The following RFX2 variants were observed in gnomAD, a reference collection of about 807,000 sequenced individuals.
RFX2 encodes regulatory factor X2.
RFX2 carries 20 observed loss-of-function variants against 87.8 expected under a neutral mutation model. The observed-to-expected ratio is 0.23, with a 90% confidence interval of 0.16 to 0.33. The LOEUF is 0.33. RFX2 is among the 10% of genes least tolerant of loss of function. The probability of loss-of-function intolerance (pLI) is 1.00; values close to 1 mark genes in which losing one functional copy is unlikely to be tolerated. For synonymous variants in RFX2, 397 were observed against 431.3 expected, an observed-to-expected ratio of 0.92 and a Z score of 0.98; for missense variants, 767 against 1,012.3, an observed-to-expected ratio of 0.76 and a Z score of 3.29.
chr19:6,043,859 A>G (rs538859356), intron 3 of RFX2, among the ~76,000 whole-genome samples: 4 of 152,224 alleles, frequency 2.6e-5, no homozygotes, highest in Non-Finnish European at 2.9e-5. Context: ...ACTCACTAGC[A>G]GATGGTTCCT....
Position 6,001,228 on chromosome 19 carries a change from A to G in RFX2, c.1859+587T>C, listed in dbSNP as rs899943574. Among the ~76,000 whole-genome samples, 3 of 152,140 alleles carry G rather than the reference A, an allele frequency of 2.0e-5. No homozygotes were observed. The highest frequency in any genetic ancestry group is 4.4e-5 in the Non-Finnish European group (3 of 68,030). ...CTCAAACTTGGTGTTTCGATATTTCACCAGGAGCCTCCTTGTGCCCTTCAG... is the reference window on the plus strand; with the variant it reads ...CTCAAACTTGGTGTTTCGATATTTCGCCAGGAGCCTCCTTGTGCCCTTCAG... On this transcript the variant is annotated intron_variant, in intron 15 of 17. Transcript: ENST00000303657. This position sits in a 1 kb window ranked among gnomAD's most constrained non-coding sequence, Gnocchi z 5.6.
chr19:6,070,832 C>T (rs1178705425), intron 1 of RFX2, among the ~76,000 whole-genome samples: 3 of 152,230 alleles, frequency 2.0e-5, no homozygotes, highest in Admixed American at 2.0e-4. Flanking sequence ...CTTAGCCTCC[C>T]ATGTAGCTAG....
At chr19:6,042,351 A>G (rs1275422473) in intron 3 of RFX2, among the ~76,000 whole-genome samples, 1 of 152,186 alleles carries the variant, frequency 6.6e-6, no homozygotes, top group African/African-American at 2.4e-5. Flanking sequence ...TGATCCCCAG[A>G]GCTCTGCTAG....
intron 1 of RFX2, among the ~76,000 whole-genome samples, chr19:6,075,983 G>A (rs753946082): frequency 6.6e-5 from 10 of 152,160 alleles, no homozygotes; most frequent in African/African-American, 1.9e-4. Flanking sequence ...AGGGAATATC[G>A]AGCTCTGAAA....
chr19:6,060,194 C>A lies in RFX2; in HGVS notation c.-8-12690G>T, dbSNP rs77294189. On this transcript the variant is annotated intron_variant, in intron 1 of 17. Transcript: ENST00000303657. The stretch of plus-strand genomic sequence containing the variant: ...CTCCTTCCCTGTGCTGACCTCCCCC[C>A]ACTATCTCACATCCAGACTGTCTAC... 4.6e-5 allele frequency among the ~76,000 whole-genome samples: 7 copies of A among 152,318 alleles called. No homozygotes were observed. The East Asian group carries it at 9.6e-4, about 21-fold the overall frequency.
At position 6,110,437 on chromosome 19, in the gene RFX2, G is replaced by T. The variant is rs1239874752; in HGVS notation, c.-53C>A. On this transcript the variant is annotated 5_prime_UTR_variant, in exon 1 of 18. Coordinates refer to ENST00000303657, the MANE Select transcript of RFX2 (RefSeq NM_000635.4). This position sits in a 1 kb window ranked among gnomAD's most constrained non-coding sequence, Gnocchi z 4.3. ...TTCGGGCAGCGGCTCCCGCGGCGGC[G>T]GCAGCGGCTGCTGCGTGTTGGTCCC... is the stretch of plus-strand genomic sequence containing the variant. The T allele has an allele frequency of 1.3e-5, 2 of 153,770 alleles. No individual in the cohort carries two copies. Among genetic ancestry groups the T allele is most frequent in the South Asian group, 1.8e-4 (1 of 5,568 alleles). The allele number at this position is 153,770 out of a possible 1,614,324, so 9.5% of individuals were successfully genotyped here.
intron 5 of RFX2, among the ~76,000 whole-genome samples, chr19:6,028,025 G>A (rs1466245305): frequency 6.6e-6 from 1 of 152,130 alleles, no homozygotes; most frequent in Non-Finnish European, 1.5e-5. Context: ...GCCTCCCAAA[G>A]TTCTGGGATT....
At position 6,045,927 on chromosome 19, in the gene RFX2, T is replaced by C. The variant is rs1400790607; in HGVS notation, c.90+1480A>G. ...GTCTCAAACTCCTGACCTCAGGTGA[T>C]CCACCCACCTTGGCCTCCCAAAGTG... On this transcript the variant is annotated intron_variant, in intron 2 of 17. Transcript: ENST00000303657. This position sits in a 1 kb window ranked among gnomAD's most constrained non-coding sequence, Gnocchi z 5.2. Among the ~76,000 whole-genome samples the C allele has an allele frequency of 6.6e-6, 1 of 152,162 alleles. No individual in the cohort carries two copies. Among genetic ancestry groups the C allele is most frequent in the African/African-American group, 2.4e-5 (1 of 41,434 alleles).
chr19:6,080,652 T>C, intron 1 of RFX2, among the ~76,000 whole-genome samples: 1 of 152,024 alleles, frequency 6.6e-6, no homozygotes, highest in East Asian at 1.9e-4. Flanking sequence ...TGGGAGGATG[T>C]GGGAGAGAGC....
At chr19:6,035,893 A>G in intron 5 of RFX2, among the ~76,000 whole-genome samples, 1 of 129,642 alleles carries the variant, frequency 7.7e-6, no homozygotes, top group East Asian at 2.0e-4. Context: ...GTGTGTGAAA[A>G]CATAGCCTAT....
chr19:6,055,020 T>A (rs1044525076), intron 1 of RFX2, among the ~76,000 whole-genome samples: 1 of 152,164 alleles, frequency 6.6e-6, no homozygotes, highest in Non-Finnish European at 1.5e-5. Flanking sequence ...ACTCCTACAA[T>A]TCAATATAAG....
intron 5 of RFX2, among the ~76,000 whole-genome samples, chr19:6,030,377 C>T (rs180804411): frequency 2.0e-5 from 3 of 152,262 alleles, no homozygotes; most frequent in Admixed American, 2.0e-4. Flanking sequence ...CGGAAAAACC[C>T]ACATGTCAAT....
At chr19:6,098,803 G>T (rs2088066899) in intron 1 of RFX2, among the ~76,000 whole-genome samples, 1 of 152,092 alleles carries the variant, frequency 6.6e-6, no homozygotes, top group Admixed American at 6.5e-5. Context: ...AAGAAAGGGA[G>T]CCAAGGTTAG....
chr19:6,061,455 T>C lies in RFX2; in HGVS notation c.-8-13951A>G, dbSNP rs78895549. Among the ~76,000 whole-genome samples, 693 of 152,300 alleles carry C rather than the reference T, an allele frequency of 4.6e-3. 8 individuals carry two copies. In the East Asian group the frequency reaches 0.071, roughly 16 times the overall value. On this transcript the variant is annotated intron_variant, in intron 1 of 17. Coordinates refer to ENST00000303657, the MANE Select transcript of RFX2 (RefSeq NM_000635.4). The surrounding 1 kb of genome is among the most constrained non-coding windows in gnomAD (Gnocchi z 5.2). ...ATCCCTTCTTTAGAGGGTTGGAGCC[T>C]ACCCTTCACACTTACAAGTCTGGCT...
chr19:6,101,960 A>C lies in RFX2; in HGVS notation c.-9+8433T>G, dbSNP rs2144907877. On this transcript the variant is annotated intron_variant, in intron 1 of 17. Coordinates refer to ENST00000303657, the MANE Select transcript of RFX2 (RefSeq NM_000635.4). This position sits in a 1 kb window ranked among gnomAD's most constrained non-coding sequence, Gnocchi z 4.9. Reference sequence around the variant, plus strand: ...CAATGGAATATTCTTTAGCCTTAAAAAGGAAGGAAATTCTGATGCATGCTA... The same window carrying C: ...CAATGGAATATTCTTTAGCCTTAAACAGGAAGGAAATTCTGATGCATGCTA... 6.6e-6 allele frequency among the ~76,000 whole-genome samples: 1 copy of C among 152,370 alleles called. No homozygotes were observed. The highest frequency in any genetic ancestry group is 2.1e-4 in the South Asian group (1 of 4,828).
At chr19:6,102,402 T>C (rs1190858595) in intron 1 of RFX2, among the ~76,000 whole-genome samples, 3 of 152,222 alleles carry the variant, frequency 2.0e-5, no homozygotes, top group Admixed American at 1.3e-4. Flanking sequence ...TGAATGAAGA[T>C]TGTATGAATG....
chr19:6,002,012 C>T lies in RFX2; in HGVS notation c.1662G>A (p.Ser554=), dbSNP rs912714866. The change falls in exon 15 of 18, where the codon TCG becomes TCA. Residue 554 remains serine (S), a synonymous_variant. Transcript: ENST00000303657. This position sits in a 1 kb window ranked among gnomAD's most constrained non-coding sequence, Gnocchi z 6.7. ...CACTCTCCTCGCACTGGCACACCCA[C>T]GAGGCCTGCTCCTGTGGGCAGGGCA... ...VDFANVQEQA[S]WVCQCEESVV... 8.1e-6 allele frequency: 13 copies of T among 1,608,096 alleles called. No homozygotes were observed. The highest frequency in any genetic ancestry group is 5.0e-5 in the Admixed American group (3 of 59,906).
intron 5 of RFX2, among the ~76,000 whole-genome samples, chr19:6,038,266 G>A (rs1241158087): frequency 7.3e-6 from 1 of 136,870 alleles, no homozygotes; most frequent in Admixed American, 8.3e-5. Flanking sequence ...GGTGGAGGTT[G>A]CAGTGAGCCA....
rs994049749 is a variant in RFX2, at chr19:6,007,841, C to T, written c.1135-39G>A. The T allele has an allele frequency of 5.9e-6, 8 of 1,350,418 alleles. No homozygotes were observed. The highest frequency in any genetic ancestry group is 1.4e-5 in the African/African-American group (1 of 69,046). 83.7% of individuals were successfully genotyped at this position (1,350,418 alleles called of 1,614,324 possible). On this transcript the variant is annotated intron_variant, in intron 10 of 17. Transcript: ENST00000303657. This position sits in a 1 kb window ranked among gnomAD's most constrained non-coding sequence, Gnocchi z 8.2. ...GACCGGTGAGACAGACGGGTGCGTG[C>T]GCCCATCACGTGCACTCAGCACACG...
Sources: gnomAD v4.1 joint callset for allele counts (sites outside exome capture counted in the v4.1 genomes callset) on GRCh38, gnomAD v4.1.1 for gene constraint, Gnocchi (gnomAD v3.1) non-coding constraint, MANE v1.5 for transcripts, NCBI Gene and HGNC (gene_info 2026-07-23, HGNC 2026-07-21) for gene names.